RALGAPA1: variants seen among roughly 807,000 people sequenced by gnomAD.
The protein encoded by RALGAPA1 is ral GTPase-activating protein subunit alpha-1.
In RALGAPA1, 52 loss-of-function variants were observed where a neutral mutation model predicts 269.6. The observed-to-expected ratio is 0.19, with a 90% CI of 0.15 to 0.24. The LOEUF is 0.24. Ranked by LOEUF, RALGAPA1 falls within the 10% of genes least tolerant of loss-of-function variation. RALGAPA1 has a pLI of 1.00. For synonymous variants in RALGAPA1, 817 were observed against 1,008.3 expected, an observed-to-expected ratio of 0.81 and a Z score of 3.60; for missense variants, 1,917 against 3,013.9, an observed-to-expected ratio of 0.64 and a Z score of 8.52.
At chr14:35,621,882 G>A (rs1177486237) in intron 35 of RALGAPA1, among the ~76,000 whole-genome samples, 4 of 152,210 alleles carry the variant, frequency 2.6e-5, no homozygotes, top group Non-Finnish European at 5.9e-5. Flanking sequence ...TGGAGAGGAT[G>A]TGGAGAAACA....
intron 33 of RALGAPA1, 72 bp from the exon 34 acceptor site, chr14:35,628,023 GACA>G: frequency 1.4e-6 from 2 of 1,423,664 alleles, no homozygotes; most frequent in South Asian, 1.4e-5. Flanking sequence ...TGAAATATTA[GACA>G]ACAAATAGGG....
chr14:35,635,522 T>C lies in RALGAPA1; in HGVS notation c.5753A>G (p.His1918Arg), dbSNP rs891056396. Reference sequence around the variant, plus strand: ...TTTATCGCTTTCTGCTCCCGTAGCATGAAATGGTTGGAGCAGTGTCTTTAG... The same window carrying C: ...TTTATCGCTTTCTGCTCCCGTAGCACGAAATGGTTGGAGCAGTGTCTTTAG... The part of the protein sequence containing the change: ...LPLKTLLQPF[H>R]ATGAESDKTE... The change falls in exon 32 of 42, where the codon CAT (histidine) becomes CGT (arginine). Residue 1918 changes from histidine to arginine, a missense_variant. Transcript: ENST00000680220. 4 of 1,609,432 alleles carry C rather than the reference T, an allele frequency of 2.5e-6. No individual in the cohort carries two copies. Among genetic ancestry groups the C allele is most frequent in the Middle Eastern group, 1.7e-4 (1 of 6,030 alleles).
chr14:35,742,588 A>C, intron 10 of RALGAPA1, 23 bp from the exon 11 acceptor site: 1 of 1,523,302 alleles, frequency 6.6e-7, no homozygotes. Flanking sequence ...AGGAGAATCA[A>C]GATAATGATA....
chr14:35,751,631 A>G (rs922958240), intron 8 of RALGAPA1, among the ~76,000 whole-genome samples: 22 of 151,992 alleles, frequency 1.4e-4, no homozygotes, highest in African/African-American at 2.4e-5. Context: ...AAAAAAAATA[A>G]TTAGCCAGAT....
intron 1 of RALGAPA1, among the ~76,000 whole-genome samples, chr14:35,798,277 G>A (rs2076722731): frequency 6.6e-6 from 1 of 151,636 alleles, no homozygotes; most frequent in Non-Finnish European, 1.5e-5. Flanking sequence ...CTGGGCTCAA[G>A]CAATCTCATC....
In RALGAPA1 at chr14:35,752,177, T is replaced by C. The variant is rs10136235; in HGVS notation, c.664-15A>G. 0.074 allele frequency: 111,752 copies of C among 1,509,148 alleles called. 8,435 individuals are homozygous for C. The highest frequency in any genetic ancestry group is 0.44 in the East Asian group (18,443 of 42,222). 93.5% of individuals were successfully genotyped at this position (1,509,148 alleles called of 1,614,324 possible). On this transcript the variant is annotated splice_polypyrimidine_tract_variant and intron_variant, in intron 7 of 41. Coordinates refer to ENST00000680220, the MANE Select transcript of RALGAPA1 (RefSeq NM_001346249.2). ...AAACTTTTTACCTAAAAATAAATTA[T>C]ATAATTAGAATCATTCCAGAAGAAA...
intron 35 of RALGAPA1, among the ~76,000 whole-genome samples, chr14:35,613,957 A>G (rs2060103417): frequency 6.6e-6 from 1 of 152,228 alleles, no homozygotes; most frequent in Non-Finnish European, 1.5e-5. Flanking sequence ...AATCAAAATC[A>G]TGAGATATTT....
At chr14:35,569,406 G>A (rs2056983430) in intron 39 of RALGAPA1, among the ~76,000 whole-genome samples, 2 of 152,164 alleles carry the variant, frequency 1.3e-5, no homozygotes, top group South Asian at 4.1e-4. Context: ...TTGTGTGCCA[G>A]GCACTGTTTT....
intron 16 of RALGAPA1, among the ~76,000 whole-genome samples, chr14:35,706,478 T>C (rs1267604460): frequency 6.6e-6 from 1 of 152,170 alleles, no homozygotes; most frequent in African/African-American, 2.4e-5. Flanking sequence ...TTTTATTCCA[T>C]CTATTTGTCT....
At chr14:35,773,941 A>G (rs2074827554) in intron 3 of RALGAPA1, among the ~76,000 whole-genome samples, 1 of 152,078 alleles carries the variant, frequency 6.6e-6, no homozygotes. Flanking sequence ...TTTTTGAGAC[A>G]GGGTCTCACT....
intron 1 of RALGAPA1, among the ~76,000 whole-genome samples, chr14:35,788,121 G>A (rs1485759790): frequency 6.6e-6 from 1 of 151,876 alleles, no homozygotes; most frequent in Non-Finnish European, 1.5e-5. Flanking sequence ...ACAGGCACCC[G>A]CCACCATGCC....
At chr14:35,806,676 G>A (rs2030185169) in intron 1 of RALGAPA1, among the ~76,000 whole-genome samples, 1 of 152,112 alleles carries the variant, frequency 6.6e-6, no homozygotes, top group African/African-American at 2.4e-5. Flanking sequence ...TATGAACTAT[G>A]GGACCAAACA....
In RALGAPA1 at chr14:35,803,027, G is replaced by A. The variant is rs1461381536; in HGVS notation, c.106+5703C>T. ...ACTCATATGGAAATGTAAAGGACCT[G>A]GCATTTGGGAAAAAAAGAAACTTTG... On this transcript the variant is annotated intron_variant, in intron 1 of 41. Transcript: ENST00000680220. Among the ~76,000 whole-genome samples the A allele has an allele frequency of 3.3e-5, 5 of 152,062 alleles. No individual in the cohort carries two copies. In the East Asian group the frequency reaches 9.7e-4, roughly 29 times the overall value.
intron 32 of RALGAPA1, 92 bp downstream of exon 32, chr14:35,635,372 A>G: frequency 7.4e-7 from 1 of 1,350,974 alleles, no homozygotes; most frequent in Non-Finnish European, 9.8e-7. Context: ...TTCTAGCTCT[A>G]AAAGAATAAA....
intron 12 of RALGAPA1, among the ~76,000 whole-genome samples, chr14:35,735,289 T>C (rs1000239319): frequency 2.0e-5 from 3 of 152,320 alleles, no homozygotes; most frequent in South Asian, 2.1e-4. Flanking sequence ...AACTTGCAAC[T>C]GCAAATTGTG....
At chr14:35,641,004 T>C (rs1304662709) in intron 31 of RALGAPA1, among the ~76,000 whole-genome samples, 1 of 152,142 alleles carries the variant, frequency 6.6e-6, no homozygotes, top group East Asian at 1.9e-4. Context: ...CAGTTGCTGC[T>C]GAAAAAGCAT....
chr14:35,643,527 T>A (rs1326938192), intron 31 of RALGAPA1, among the ~76,000 whole-genome samples: 1 of 152,150 alleles, frequency 6.6e-6, no homozygotes, highest in African/African-American at 2.4e-5. Flanking sequence ...GTAATCCTAC[T>A]GCTAGGTATA....
Position 35,799,562 on chromosome 14 carries a change from AG to A in RALGAPA1, c.106+9167del, listed in dbSNP as rs1319158228. On this transcript the variant is annotated intron_variant, in intron 1 of 41. Coordinates refer to ENST00000680220, the MANE Select transcript of RALGAPA1 (RefSeq NM_001346249.2). ...GGGCAACAGAGCGAGACTCGGTCCCAGAAAAAAAAAAAAAGAAAAAAGGTAT... is the reference window on the plus strand; with the variant it reads ...GGGCAACAGAGCGAGACTCGGTCCCAAAAAAAAAAAAAAGAAAAAAGGTAT... Among the ~76,000 whole-genome samples, 14 of 142,110 alleles carry A rather than the reference AG, an allele frequency of 9.9e-5. No homozygotes were observed. In the South Asian group the frequency reaches 2.2e-3, roughly 22 times the overall value. The allele number at this position is 142,110 out of a possible 152,430, so 93.2% of individuals were successfully genotyped here.
chr14:35,540,358 TAAAC>T (rs2053857461), intron 41 of RALGAPA1, among the ~76,000 whole-genome samples: 3 of 152,206 alleles, frequency 2.0e-5, no homozygotes, highest in Admixed American at 1.3e-4. Context: ...TTAAAAGACA[TAAAC>T]AATGCTTTTG....
Sources: gnomAD v4.1 joint callset for allele counts (sites outside exome capture counted in the v4.1 genomes callset) on GRCh38, gnomAD v4.1.1 for gene constraint, MANE v1.5 for transcripts, NCBI Gene and HGNC (gene_info 2026-07-23, HGNC 2026-07-21) for gene names.